The following PCBP3 variants were observed in gnomAD, a reference collection of about 807,000 sequenced individuals.
PCBP3 encodes poly(rC) binding protein 3.
In PCBP3, 25 loss-of-function variants were observed where a neutral mutation model predicts 52.7. The ratio of observed to expected loss-of-function variants is 0.47; its 90% confidence interval spans 0.35 to 0.66. The LOEUF (loss-of-function observed/expected upper bound fraction) is 0.66. PCBP3 is among the 30% of genes least tolerant of loss of function. PCBP3 has a pLI of 0.01. For synonymous variants in PCBP3, 162 were observed against 183.0 expected, an observed-to-expected ratio of 0.89 and a Z score of 0.93; for missense variants, 391 against 490.3, an observed-to-expected ratio of 0.80 and a Z score of 1.91.
At chr21:45,767,755 G>A (rs2089485740) in intron 4 of PCBP3, among the ~76,000 whole-genome samples, 1 of 152,234 alleles carries the variant, frequency 6.6e-6, no homozygotes, top group South Asian at 2.1e-4. Flanking sequence ...CAGTCGGGAG[G>A]CCATGGCAGG....
intron 4 of PCBP3, among the ~76,000 whole-genome samples, chr21:45,777,634 G>A (rs1347152964): frequency 2.0e-5 from 3 of 151,920 alleles, no homozygotes; most frequent in Non-Finnish European, 4.4e-5. Context: ...TTATCTGACT[G>A]GATTATTTCC....
At position 45,849,923 on chromosome 21, in the gene PCBP3, C is replaced by G. The variant is rs559973468; in HGVS notation, c.-125-38C>G. 43 of 681,980 alleles carry G rather than the reference C, an allele frequency of 6.3e-5. No individual in the cohort carries two copies. In the East Asian group the frequency reaches 1.2e-3, roughly 19 times the overall value. The allele number at this position is 681,980 out of a possible 1,614,324, so 42.2% of individuals were successfully genotyped here. ...CCAGTGCTGGCGGAGAGGCCCTGCA[C>G]TGGTGCGCTCACACAGCCCTGTGTT... On this transcript the variant is annotated intron_variant, in intron 4 of 17. Coordinates refer to ENST00000681687, the MANE Select transcript of PCBP3 (RefSeq NM_001384156.1).
intron 1 of PCBP3, among the ~76,000 whole-genome samples, chr21:45,644,855 C>G (rs1018557084): frequency 3.3e-5 from 5 of 152,182 alleles, no homozygotes; most frequent in African/African-American, 1.2e-4. Context: ...CTCACATATC[C>G]CTCTGAAATT....
intron 4 of PCBP3, among the ~76,000 whole-genome samples, chr21:45,767,184 A>G (rs2089421987): frequency 6.6e-6 from 1 of 151,950 alleles, no homozygotes; most frequent in Admixed American, 6.6e-5. Context: ...CCCCAAAGTA[A>G]AGCCCTGTGC....
At chr21:45,939,937 C>G in intron 16 of PCBP3, 93 bp from the exon 17 acceptor site, 1 of 1,177,296 alleles carries the variant, frequency 8.5e-7, no homozygotes, top group African/African-American at 1.5e-5. Flanking sequence ...AGGCTGGCGG[C>G]CCGTCCCACC....
At chr21:45,650,529 C>T (rs1274566014) in intron 1 of PCBP3, among the ~76,000 whole-genome samples, 1 of 152,152 alleles carries the variant, frequency 6.6e-6, no homozygotes, top group African/African-American at 2.4e-5. Flanking sequence ...TATCCTACTG[C>T]AGCCTTGAAG....
intron 13 of PCBP3, chr21:45,918,088 A>C: frequency 8.7e-6 from 2 of 229,708 alleles, no homozygotes; most frequent in Non-Finnish European, 1.7e-5. Context: ...AGTCCACATG[A>C]AAACATAGGG....
chr21:45,911,238 T>C, intron 11 of PCBP3: 1 of 659,250 alleles, frequency 1.5e-6, no homozygotes. Flanking sequence ...GTCCAGTGTC[T>C]TCGTGGGGGC....
At chr21:45,730,268 T>C (rs1170288312) in intron 2 of PCBP3, among the ~76,000 whole-genome samples, 1 of 152,024 alleles carries the variant, frequency 6.6e-6, no homozygotes, top group Non-Finnish European at 1.5e-5. Flanking sequence ...TTCCATTGTG[T>C]TTTTTCTTTG....
At chr21:45,878,916 G>A (rs1315153627) in intron 5 of PCBP3, among the ~76,000 whole-genome samples, 1 of 152,204 alleles carries the variant, frequency 6.6e-6, no homozygotes, top group African/African-American at 2.4e-5. Context: ...CGTGCTCCAG[G>A]AGGAAGGGTG....
chr21:45,722,622 T>A (rs1164538068), intron 2 of PCBP3, among the ~76,000 whole-genome samples: 1 of 152,182 alleles, frequency 6.6e-6, no homozygotes, highest in East Asian at 1.9e-4. Context: ...CAAGCTGTTA[T>A]AAATATTTTC....
At chr21:45,745,596 T>C (rs1322809169) in intron 3 of PCBP3, among the ~76,000 whole-genome samples, 1 of 152,204 alleles carries the variant, frequency 6.6e-6, no homozygotes, top group African/African-American at 2.4e-5. Context: ...TATGCTGACG[T>C]GTATCATGGT....
At chr21:45,893,927 A>C (rs114246569) in intron 5 of PCBP3, 2 of 985,422 alleles carry the variant, frequency 2.0e-6, no homozygotes, top group Non-Finnish European at 1.2e-6. Flanking sequence ...CCCCATGGAC[A>C]CTGGGCAGAT....
At chr21:45,785,535 A>C in intron 4 of PCBP3, among the ~76,000 whole-genome samples, 1 of 146,768 alleles carries the variant, frequency 6.8e-6, no homozygotes, top group Non-Finnish European at 1.5e-5. Context: ...CCGCCCGGCC[A>C]GCCGCCCCAT....
chr21:45,862,378 G>C (rs1170534685), intron 5 of PCBP3, among the ~76,000 whole-genome samples: 2 of 151,986 alleles, frequency 1.3e-5, no homozygotes, highest in Admixed American at 1.3e-4. Context: ...TAGTAACATA[G>C]AAAAATATTT....
intron 4 of PCBP3, among the ~76,000 whole-genome samples, chr21:45,818,037 T>A (rs778504660): frequency 3.3e-4 from 50 of 152,100 alleles, no homozygotes; most frequent in Admixed American, 9.2e-4. Context: ...TATTATTATT[T>A]TTTGAGACAG....
chr21:45,856,536 A>G (rs1031000741), intron 5 of PCBP3, among the ~76,000 whole-genome samples: 1 of 152,118 alleles, frequency 6.6e-6, no homozygotes, highest in African/African-American at 2.4e-5. Flanking sequence ...GTGATGACCG[A>G]GCTCTTGTCC....
intron 2 of PCBP3, among the ~76,000 whole-genome samples, chr21:45,676,553 T>TA (rs1460291481): frequency 3.3e-5 from 5 of 152,186 alleles, no homozygotes; most frequent in Non-Finnish European, 7.3e-5. Context: ...CGATCTTTGT[T>TA]ACTATTGTAA....
intron 5 of PCBP3, chr21:45,893,965 G>A (rs2095754025): frequency 3.0e-6 from 3 of 985,560 alleles, no homozygotes; most frequent in Non-Finnish European, 2.4e-6. Context: ...AAGGACAGCA[G>A]CAGCCGCAGA....
Sources: allele counts gnomAD v4.1 joint callset (sites outside exome capture counted in the v4.1 genomes callset), GRCh38; gene constraint gnomAD v4.1.1; transcripts MANE v1.5; gene names NCBI Gene and HGNC (gene_info 2026-07-23, HGNC 2026-07-21).